The following ERC2 variants were observed in gnomAD, a reference collection of about 807,000 sequenced individuals.
The protein encoded by ERC2 is ELKS/RAB6-interacting/CAST family member 2.
A neutral mutation model predicts 114.8 loss-of-function variants in ERC2; 42 were observed. That is an observed-to-expected ratio of 0.37 (90% CI 0.29 to 0.47). ERC2 has a LOEUF of 0.47. ERC2 is among the 20% of genes least tolerant of loss of function. The probability of loss-of-function intolerance (pLI) is 0.99; values close to 1 mark genes in which losing one functional copy is unlikely to be tolerated. For synonymous variants in ERC2, 454 were observed against 425.5 expected (o/e 1.07, Z -0.82); for missense variants, 939 against 1,150.7 (o/e 0.82, Z 2.66).
intron 13 of ERC2, among the ~76,000 whole-genome samples, chr3:55,913,535 TTTTG>T (rs1408584472): frequency 7.2e-6 from 1 of 139,408 alleles, no homozygotes; most frequent in Non-Finnish European, 1.6e-5. Context: ...ATTTTCTTCT[TTTTG>T]TTTTTCTGTA....
Position 55,918,200 on chromosome 3 carries a change from T to A in ERC2, c.2404-29651A>T, listed in dbSNP as rs2065216113. Among the ~76,000 whole-genome samples the A allele has an allele frequency of 2.0e-5, 3 of 152,292 alleles. No individual in the cohort carries two copies. In the South Asian group the frequency reaches 6.2e-4, roughly 32 times the overall value. ...CGAAGCTTGGTCTTATGGCCATTTC[T>A]AGCTACAATGTAATCTGGAAATGTA... On this transcript the variant is annotated intron_variant, in intron 13 of 17. Coordinates refer to ENST00000288221, the MANE Select transcript of ERC2 (RefSeq NM_015576.3).
chr3:55,643,982 A>G (rs2060293022), intron 17 of ERC2, among the ~76,000 whole-genome samples: 1 of 152,116 alleles, frequency 6.6e-6, no homozygotes, highest in Non-Finnish European at 1.5e-5. Flanking sequence ...TTAAAATATG[A>G]CTGTGGATGC....
intron 16 of ERC2, among the ~76,000 whole-genome samples, chr3:55,691,370 G>A (rs1465251344): frequency 6.6e-6 from 1 of 151,566 alleles, no homozygotes; most frequent in African/African-American, 2.4e-5. Context: ...GTTCTGAAAG[G>A]ACTGGCCCAG....
At chr3:55,953,146 A>G (rs1463035111) in intron 12 of ERC2, among the ~76,000 whole-genome samples, 1 of 151,542 alleles carries the variant, frequency 6.6e-6, no homozygotes, top group African/African-American at 2.4e-5. Context: ...CACAGGTTGC[A>G]GTGAGCCAAG....
intron 3 of ERC2, among the ~76,000 whole-genome samples, chr3:56,267,471 G>C (rs886591107): frequency 6.6e-5 from 10 of 152,028 alleles, no homozygotes; most frequent in Non-Finnish European, 1.5e-4. Flanking sequence ...GGGGACAGTG[G>C]GTAAAACAGG....
At chr3:56,090,200 C>G (rs1210968770) in intron 6 of ERC2, among the ~76,000 whole-genome samples, 1 of 152,216 alleles carries the variant, frequency 6.6e-6, no homozygotes, top group Non-Finnish European at 1.5e-5. Context: ...TGTCCTTCAG[C>G]AGCTGCATCA....
At chr3:56,059,485 A>G (rs1321594831) in intron 7 of ERC2, among the ~76,000 whole-genome samples, 1 of 152,188 alleles carries the variant, frequency 6.6e-6, no homozygotes, top group African/African-American at 2.4e-5. Context: ...GAAGTAAGTG[A>G]CTTTGGACAA....
At chr3:55,684,749 T>C (rs1432376454) in intron 16 of ERC2, among the ~76,000 whole-genome samples, 1 of 152,182 alleles carries the variant, frequency 6.6e-6, no homozygotes, top group Non-Finnish European at 1.5e-5. Context: ...CAGAAGTATA[T>C]CCCCAAAGCA....
intron 13 of ERC2, among the ~76,000 whole-genome samples, chr3:55,911,917 G>T (rs887105442): frequency 3.3e-5 from 5 of 152,150 alleles, no homozygotes; most frequent in African/African-American, 9.7e-5. Flanking sequence ...TTGATTGTGG[G>T]TGCTCTATAC....
At chr3:55,597,622 G>T (rs1057001953) in intron 17 of ERC2, among the ~76,000 whole-genome samples, 1 of 151,966 alleles carries the variant, frequency 6.6e-6, no homozygotes, top group African/African-American at 2.4e-5. Flanking sequence ...TTTTCTTCAT[G>T]CAACTTACTA....
intron 3 of ERC2, among the ~76,000 whole-genome samples, chr3:56,227,904 TG>T (rs2150167687): frequency 6.6e-6 from 1 of 152,304 alleles, no homozygotes; most frequent in South Asian, 2.1e-4. Context: ...ATAAGCAAGT[TG>T]TGGTATATTC....
chr3:56,436,339 T>C (rs1559501046), intron 1 of ERC2, among the ~76,000 whole-genome samples: 1 of 152,124 alleles, frequency 6.6e-6, no homozygotes, highest in Admixed American at 6.5e-5. Flanking sequence ...TAAGATGAGG[T>C]TTATAAAACA....
chr3:56,328,129 CA>C (rs984396655), intron 2 of ERC2, among the ~76,000 whole-genome samples: 1 of 152,140 alleles, frequency 6.6e-6, no homozygotes, highest in African/African-American at 2.4e-5. Flanking sequence ...TAACCTAAGT[CA>C]GGGGTGAAGA....
intron 6 of ERC2, among the ~76,000 whole-genome samples, chr3:56,096,740 T>A (rs1170472406): frequency 6.6e-6 from 1 of 152,186 alleles, no homozygotes; most frequent in East Asian, 1.9e-4. Flanking sequence ...CTATTCTGCA[T>A]CCAGTCTAAA....
intron 6 of ERC2, among the ~76,000 whole-genome samples, chr3:56,082,334 C>T (rs1454563504): frequency 6.6e-6 from 1 of 152,120 alleles, no homozygotes; most frequent in Non-Finnish European, 1.5e-5. Flanking sequence ...GAACACAGCA[C>T]GATGGCACCA....
chr3:56,324,049 A>G (rs1302787186), intron 2 of ERC2, among the ~76,000 whole-genome samples: 1 of 152,234 alleles, frequency 6.6e-6, no homozygotes, highest in Non-Finnish European at 1.5e-5. Context: ...CAGCAGCAGC[A>G]CATCACAGGC....
chr3:56,242,941 C>T (rs1046110547), intron 3 of ERC2, among the ~76,000 whole-genome samples: 5 of 152,138 alleles, frequency 3.3e-5, no homozygotes, highest in Non-Finnish European at 5.9e-5. Flanking sequence ...GATATACATA[C>T]GTTTCACACT....
At chr3:55,975,193 A>T (rs1007746099) in intron 12 of ERC2, among the ~76,000 whole-genome samples, 4 of 152,008 alleles carry the variant, frequency 2.6e-5, no homozygotes, top group African/African-American at 7.3e-5. Flanking sequence ...GTTGCTATAA[A>T]AAAAAAAAAC....
At chr3:56,214,633 T>A (rs4407378) in intron 3 of ERC2, among the ~76,000 whole-genome samples, 140,613 of 151,646 alleles carry the variant, frequency 0.93, 65,477 homozygotes, top group East Asian at 1. Flanking sequence ...CATTCAGGAA[T>A]TACAGAGAAC....
Sources: allele counts gnomAD v4.1 joint callset (sites outside exome capture counted in the v4.1 genomes callset), GRCh38; gene constraint gnomAD v4.1.1; transcripts MANE v1.5; gene names NCBI Gene and HGNC (gene_info 2026-07-23, HGNC 2026-07-21).